The following GIGYF2 variants were observed in gnomAD, a reference collection of about 807,000 sequenced individuals.
GIGYF2 encodes the protein GRB10-interacting GYF protein 2.
Under a neutral mutation model 208.1 loss-of-function variants are expected in GIGYF2, and 25 were observed. The observed-to-expected ratio is 0.12, with a 90% CI of 0.09 to 0.17. The LOEUF (loss-of-function observed/expected upper bound fraction) is 0.17, where lower values mean the gene tolerates loss of function less well. Among genes scored for constraint, GIGYF2 ranks in the 10% least tolerant of loss-of-function variants. The probability of loss-of-function intolerance (pLI) is 1.00; values close to 1 mark genes in which losing one functional copy is unlikely to be tolerated. For missense variants in GIGYF2, 1,302 were observed against 1,579.4 expected (o/e 0.82, Z 2.98); for synonymous variants, 534 against 543.8 (o/e 0.98, Z 0.25).
Position 232,738,741 on chromosome 2 carries a change from A to G in GIGYF2, c.41+3503A>G, listed in dbSNP as rs570519018. 1.2e-4 allele frequency among the ~76,000 whole-genome samples: 18 copies of G among 152,324 alleles called. No individual in the cohort carries two copies. In the East Asian group the frequency reaches 3.3e-3, roughly 28 times the overall value. On this transcript the variant is annotated intron_variant, in intron 3 of 28. Coordinates refer to ENST00000373563, the MANE Select transcript of GIGYF2 (RefSeq NM_001103146.3). ...GCTATTGTAAATGATATGTATATAT[A>G]CCCTTGAACAATTTTGTTTTTATCA...
chr2:232,756,688 G>A (rs1191272708), intron 6 of GIGYF2, among the ~76,000 whole-genome samples: 4 of 152,194 alleles, frequency 2.6e-5, no homozygotes, highest in African/African-American at 4.8e-5. Flanking sequence ...AGTACCTGCA[G>A]TCCTCTGTGA....
At chr2:232,797,215 A>G (rs1700249285) in intron 14 of GIGYF2, among the ~76,000 whole-genome samples, 1 of 152,194 alleles carries the variant, frequency 6.6e-6, no homozygotes, top group Non-Finnish European at 1.5e-5. Flanking sequence ...ATGGGCACAG[A>G]ATGCTATCTA....
At chr2:232,837,798 G>C (rs1701688236) in intron 22 of GIGYF2, among the ~76,000 whole-genome samples, 2 of 152,146 alleles carry the variant, frequency 1.3e-5, no homozygotes, top group Admixed American at 1.3e-4. Flanking sequence ...ATCTTCACCA[G>C]TTTTGCCAGG....
chr2:232,807,184 T>C (rs543297092), intron 15 of GIGYF2, among the ~76,000 whole-genome samples: 1 of 152,130 alleles, frequency 6.6e-6, no homozygotes, highest in Non-Finnish European at 1.5e-5. Flanking sequence ...CTTCACAATA[T>C]TTTTAGGGCT....
chr2:232,739,520 T>TA (rs900277587), intron 3 of GIGYF2, among the ~76,000 whole-genome samples: 9 of 146,640 alleles, frequency 6.1e-5, no homozygotes, highest in African/African-American at 1.3e-4. Flanking sequence ...CAAAAAAAAT[T>TA]AAAAAAAAAT....
chr2:232,736,229 A>G (rs1183959102), intron 3 of GIGYF2: 4 of 870,282 alleles, frequency 4.6e-6, no homozygotes, highest in Non-Finnish European at 5.5e-6. Context: ...AGAACATGTT[A>G]ACCTAAGTAA....
At chr2:232,836,930 C>T (rs1701656631) in intron 22 of GIGYF2, among the ~76,000 whole-genome samples, 1 of 152,216 alleles carries the variant, frequency 6.6e-6, no homozygotes, top group African/African-American at 2.4e-5. Flanking sequence ...CCACTACCCT[C>T]AGACAAAAAT....
intron 17 of GIGYF2, 50 bp from the exon 18 acceptor site, chr2:232,812,341 T>G: frequency 1.2e-6 from 1 of 819,558 alleles, no homozygotes; most frequent in South Asian, 1.4e-5. Flanking sequence ...CTTTTTTTTT[T>G]TTTCCTGCAA....
chr2:232,756,196 T>C, intron 5 of GIGYF2, 27 bp from the exon 6 acceptor site: 1 of 1,180,604 alleles, frequency 8.5e-7, no homozygotes, highest in Non-Finnish European at 1.2e-6. Flanking sequence ...TTCCTTTTTC[T>C]CTTTTTTTTT....
At chr2:232,732,000 G>A (rs546693445) in intron 2 of GIGYF2, among the ~76,000 whole-genome samples, 5 of 152,154 alleles carry the variant, frequency 3.3e-5, no homozygotes, top group South Asian at 2.1e-4. Flanking sequence ...TAAGATAGTC[G>A]TAAGATTTCT....
Position 232,856,857 on chromosome 2 carries a change from C to T in GIGYF2, c.3897C>T (p.Tyr1299=), listed in dbSNP as rs753003095. 2 of 1,605,508 alleles carry T rather than the reference C, an allele frequency of 1.2e-6. No individual in the cohort carries two copies. Among genetic ancestry groups the T allele is most frequent in the East Asian group, 2.2e-5 (1 of 44,856 alleles). The change falls in exon 29 of 29, where the codon TAC becomes TAT. Residue 1299 remains tyrosine (Y), a synonymous_variant. Coordinates refer to ENST00000373563, the MANE Select transcript of GIGYF2 (RefSeq NM_001103146.3). ...NMGEIETLDD[Y] ...GTGAAATCGAGACGTTGGATGACTA[C>T]TGAGCACCTGCCAGTGGACTGGCCA...
intron 5 of GIGYF2, among the ~76,000 whole-genome samples, chr2:232,751,849 T>C (rs1307718862): frequency 6.6e-6 from 1 of 152,238 alleles, no homozygotes; most frequent in Non-Finnish European, 1.5e-5. Context: ...CAAATGTTGC[T>C]TGGGATCTGT....
intron 8 of GIGYF2, among the ~76,000 whole-genome samples, chr2:232,769,443 T>C (rs1699132611): frequency 6.7e-6 from 1 of 148,782 alleles, no homozygotes; most frequent in Non-Finnish European, 1.5e-5. Flanking sequence ...AGGCAGGAGA[T>C]TGCAGTGAGC....
At chr2:232,754,938 C>A (rs1574840050) in intron 5 of GIGYF2, among the ~76,000 whole-genome samples, 1 of 150,294 alleles carries the variant, frequency 6.7e-6, no homozygotes, top group South Asian at 2.1e-4. Flanking sequence ...ACTTATCAAA[C>A]AAATTGTTGT....
intron 21 of GIGYF2, among the ~76,000 whole-genome samples, chr2:232,820,342 TCTCA>T (rs1294844241): frequency 1.4e-5 from 2 of 145,702 alleles, no homozygotes; most frequent in Non-Finnish European, 3.0e-5. Context: ...TTGAGATGAG[TCTCA>T]CTCTGTCGCC....
At chr2:232,794,077 T>C (rs1374147999) in intron 12 of GIGYF2, among the ~76,000 whole-genome samples, 1 of 152,186 alleles carries the variant, frequency 6.6e-6, no homozygotes, top group Non-Finnish European at 1.5e-5. Context: ...GGAGAAGCTA[T>C]CTGTAATTGA....
chr2:232,839,796 T>C, intron 22 of GIGYF2, 53 bp from the exon 23 acceptor site: 1 of 1,599,108 alleles, frequency 6.3e-7, no homozygotes, highest in Non-Finnish European at 8.6e-7. Flanking sequence ...ATTGCTTCTT[T>C]GTTTCCTGTC....
At chr2:232,841,952 G>A (rs1701828766) in intron 23 of GIGYF2, among the ~76,000 whole-genome samples, 2 of 151,952 alleles carry the variant, frequency 1.3e-5, no homozygotes. Context: ...TGTCTCCTGG[G>A]CTGGAATGTA....
rs2344612 is a variant in GIGYF2 at position 232,718,086 on chromosome 2, G to T, written c.-44+14597G>T. Among the ~76,000 whole-genome samples the T allele has an allele frequency of 9.3e-3, 1,411 of 151,964 alleles. 36 individuals carry two copies. Among genetic ancestry groups the T allele is most frequent in the Admixed American group, 0.055 (843 of 15,250 alleles). On this transcript the variant is annotated intron_variant, in intron 2 of 28. Coordinates refer to ENST00000373563, the MANE Select transcript of GIGYF2 (RefSeq NM_001103146.3). ...ATTGTGAATATCAGTAATTTTTTTT[G>T]TTGTTGTTGTTTGTTTTTTGAGACG...
Sources: gnomAD v4.1 joint callset for allele counts (sites outside exome capture counted in the v4.1 genomes callset) on GRCh38, gnomAD v4.1.1 for gene constraint, MANE v1.5 for transcripts, NCBI Gene and HGNC (gene_info 2026-07-23, HGNC 2026-07-21) for gene names.